Variants in ARHGAP42 observed in about 807,000 individuals in gnomAD.
The protein encoded by ARHGAP42 is Rho GTPase activating protein 42, also known as rho GTPase-activating protein 42.
In ARHGAP42, 63 loss-of-function variants were observed where a neutral mutation model predicts 125.0. The ratio of observed to expected loss-of-function variants is 0.50; its 90% CI spans 0.41 to 0.62. The LOEUF (loss-of-function observed/expected upper bound fraction) is 0.62, where lower values mean the gene tolerates loss of function less well. Ranked by LOEUF, ARHGAP42 falls within the 20% of genes least tolerant of loss-of-function variation. The pLI, the probability that ARHGAP42 is intolerant of heterozygous loss-of-function variation, is 0.00. For synonymous variants in ARHGAP42, 339 were observed against 351.0 expected (o/e 0.97, Z 0.38); for missense variants, 766 against 1,024.2 (o/e 0.75, Z 3.44).
intron 5 of ARHGAP42, among the ~76,000 whole-genome samples, chr11:100,915,528 C>T (rs560727150): frequency 2.0e-5 from 3 of 152,268 alleles, no homozygotes; most frequent in African/African-American, 7.2e-5. Context: ...GCTTAAACCA[C>T]CTTAAGGAAA....
At chr11:100,871,186 A>G (rs573799395) in intron 4 of ARHGAP42, among the ~76,000 whole-genome samples, 1 of 152,320 alleles carries the variant, frequency 6.6e-6, no homozygotes. Flanking sequence ...AGTGAGGCAA[A>G]CATTTAGAAC....
At chr11:100,946,039 A>T (rs532613516) in intron 10 of ARHGAP42, among the ~76,000 whole-genome samples, 2 of 152,186 alleles carry the variant, frequency 1.3e-5, no homozygotes, top group East Asian at 3.9e-4. Context: ...TTGTAGCTAG[A>T]TCTTCTGTAT....
chr11:100,763,838 T>G (rs1862766650), intron 1 of ARHGAP42, among the ~76,000 whole-genome samples: 1 of 152,220 alleles, frequency 6.6e-6, no homozygotes, highest in Non-Finnish European at 1.5e-5. Context: ...TATGTGCATT[T>G]GCTGGTAGAT....
chr11:100,879,965 C>A (rs1865916143), intron 4 of ARHGAP42, among the ~76,000 whole-genome samples: 1 of 152,178 alleles, frequency 6.6e-6, no homozygotes, highest in African/African-American at 2.4e-5. Context: ...CAACACACAG[C>A]CTCAAGCTGG....
At chr11:100,774,724 G>GT (rs1353847686) in intron 2 of ARHGAP42, among the ~76,000 whole-genome samples, 2 of 138,526 alleles carry the variant, frequency 1.4e-5, no homozygotes, top group East Asian at 3.9e-4. Flanking sequence ...GGAAGAGAAG[G>GT]TGGTGTTATT....
At chr11:100,776,159 C>CA (rs5794065) in intron 2 of ARHGAP42, among the ~76,000 whole-genome samples, 95,077 of 144,494 alleles carry the variant, frequency 0.66, 30,474 homozygotes, top group South Asian at 0.75. Context: ...AACTCCATTT[C>CA]AAAAAAAAAA....
At chr11:100,706,214 G>T (rs999798989) in intron 1 of ARHGAP42, among the ~76,000 whole-genome samples, 2 of 152,090 alleles carry the variant, frequency 1.3e-5, no homozygotes, top group African/African-American at 2.4e-5. Flanking sequence ...GGTTTTCATT[G>T]TATCTTGTCT....
chr11:100,831,856 C>T (rs1282832690), intron 3 of ARHGAP42, among the ~76,000 whole-genome samples: 5 of 152,194 alleles, frequency 3.3e-5, no homozygotes, highest in African/African-American at 1.2e-4. Context: ...CTCCTATGCC[C>T]TATTCATACT....
rs1861107676 is a variant in ARHGAP42, at chr11:100,687,643, G to A, written c.-36G>A. Reference sequence around the variant, plus strand: ...TGCCCCCGCCCTGACCTCCGGCCCGGACGTGTCCGCGGCCGCCGCTGGCAG... The same window carrying A: ...TGCCCCCGCCCTGACCTCCGGCCCGAACGTGTCCGCGGCCGCCGCTGGCAG... On this transcript the variant is annotated 5_prime_UTR_variant, in exon 1 of 24. Transcript: ENST00000298815. The A allele has an allele frequency of 4.3e-6, 6 of 1,403,662 alleles. No individual in the cohort carries two copies. The highest frequency in any genetic ancestry group is 4.7e-6 in the Non-Finnish European group (5 of 1,066,708). 87.0% of individuals were successfully genotyped at this position (1,403,662 alleles called of 1,614,324 possible).
intron 1 of ARHGAP42, among the ~76,000 whole-genome samples, chr11:100,753,062 G>C (rs1191234739): frequency 6.6e-6 from 1 of 152,140 alleles, no homozygotes; most frequent in Non-Finnish European, 1.5e-5. Flanking sequence ...CTTGTGTTAA[G>C]TTACCAGGGC....
At chr11:100,961,183 A>G (rs1207363520) in intron 14 of ARHGAP42, among the ~76,000 whole-genome samples, 194 bp downstream of exon 14, 2 of 151,908 alleles carry the variant, frequency 1.3e-5, no homozygotes, top group African/African-American at 4.8e-5. Flanking sequence ...ATAATACTGT[A>G]TTTTTTTTCC....
chr11:100,703,409 T>G (rs1317706527), intron 1 of ARHGAP42, among the ~76,000 whole-genome samples: 1 of 152,228 alleles, frequency 6.6e-6, no homozygotes, highest in Non-Finnish European at 1.5e-5. Context: ...TCACTTGCTC[T>G]TGGCAGGATC....
At chr11:100,746,227 A>G (rs1165637443) in intron 1 of ARHGAP42, among the ~76,000 whole-genome samples, 1 of 152,206 alleles carries the variant, frequency 6.6e-6, no homozygotes, top group Non-Finnish European at 1.5e-5. Flanking sequence ...GTCTCCAAGG[A>G]ACGCTAAGTT....
intron 22 of ARHGAP42, chr11:100,986,474 T>C (rs1858681534): frequency 5.5e-6 from 1 of 182,382 alleles, no homozygotes; most frequent in African/African-American, 2.4e-5. Flanking sequence ...TGACTGCATA[T>C]AGTTTGTGGG....
chr11:100,892,337 C>T (rs182245294), intron 4 of ARHGAP42, among the ~76,000 whole-genome samples: 2 of 152,096 alleles, frequency 1.3e-5, no homozygotes, highest in Non-Finnish European at 2.9e-5. Flanking sequence ...ATAGAGAAGT[C>T]TGTTGTTCTG....
intron 10 of ARHGAP42, among the ~76,000 whole-genome samples, 163 bp downstream of exon 10, chr11:100,944,031 G>A (rs530897234): frequency 7.2e-5 from 11 of 151,946 alleles, no homozygotes; most frequent in Non-Finnish European, 1.3e-4. Context: ...TGATGCTTTC[G>A]AAAAAGCAAA....
Position 100,827,382 on chromosome 11 carries a change from TG to T in ARHGAP42, c.313-32168del, listed in dbSNP as rs542710516. ...ACACCATGTGATTTTCCCCTAGTTG[TG>T]GGGTCATGGTAGTCTGGTATGCAAC... On this transcript the variant is annotated intron_variant, in intron 3 of 23. Coordinates refer to ENST00000298815, the MANE Select transcript of ARHGAP42 (RefSeq NM_152432.4). 3.9e-5 allele frequency among the ~76,000 whole-genome samples: 6 copies of T among 152,252 alleles called. No homozygotes were observed. The South Asian group carries it at 1.2e-3, about 32-fold the overall frequency.
chr11:100,991,117 T>A lies in ARHGAP42; in HGVS notation c.*2316T>A, dbSNP rs1206797601. The A allele has an allele frequency of 1.3e-5, 2 of 152,222 alleles. No homozygotes were observed. Among genetic ancestry groups the A allele is most frequent in the Admixed American group, 1.3e-4 (2 of 15,264 alleles). The allele number at this position is 152,222 out of a possible 1,614,324, so 9.4% of individuals were successfully genotyped here. A position where few individuals can be genotyped will look rare whatever the true frequency, so the allele number is the denominator to read the frequency against. ...CAAGCTACAGAAGCACTGATTCAAG[T>A]TGTGCTTGTGCTTGAACTTTTAATC... On this transcript the variant is annotated 3_prime_UTR_variant, in exon 24 of 24. Coordinates refer to ENST00000298815, the MANE Select transcript of ARHGAP42 (RefSeq NM_152432.4).
intron 1 of ARHGAP42, among the ~76,000 whole-genome samples, chr11:100,710,871 G>A (rs1486809395): frequency 2.0e-5 from 3 of 152,100 alleles, no homozygotes; most frequent in Admixed American, 2.0e-4. Context: ...ATCTCGTAGG[G>A]TGCCTTTTGG....
Sources: allele counts gnomAD v4.1 joint callset (sites outside exome capture counted in the v4.1 genomes callset), GRCh38; gene constraint gnomAD v4.1.1; transcripts MANE v1.5; gene names NCBI Gene and HGNC (gene_info 2026-07-23, HGNC 2026-07-21).